FHIT: variants seen among roughly 807,000 people sequenced by gnomAD.
FHIT encodes fragile histidine triad diadenosine triphosphatase.
Under a neutral mutation model 17.9 loss-of-function variants are expected in FHIT, and 19 were observed. That is an observed-to-expected ratio of 1.06 (90% CI 0.74 to 1.56). FHIT has a LOEUF of 1.56. Ranked by LOEUF, FHIT falls within the 40% of genes most tolerant of loss-of-function variation. The probability of loss-of-function intolerance (pLI) is 0.00; values close to 1 mark genes in which losing one functional copy is unlikely to be tolerated. For synonymous variants in FHIT, 81 were observed against 69.7 expected, an observed-to-expected ratio of 1.16 and a Z score of -0.81; for missense variants, 248 against 189.2, an observed-to-expected ratio of 1.31 and a Z score of -1.82.
At chr3:60,844,318 G>A (rs1349943495) in intron 3 of FHIT, among the ~76,000 whole-genome samples, 1 of 152,002 alleles carries the variant, frequency 6.6e-6, no homozygotes, top group Non-Finnish European at 1.5e-5. Flanking sequence ...AGGAATGAAG[G>A]CATTTTGTGC....
In FHIT at chr3:59,902,599, C is replaced by T. The variant is rs181615631; in HGVS notation, c.348+19747G>A. 7.5e-4 allele frequency among the ~76,000 whole-genome samples: 114 copies of T among 151,562 alleles called. 2 individuals are homozygous for T. Among genetic ancestry groups the T allele is most frequent in the Non-Finnish European group, 1.4e-3 (93 of 67,888 alleles). On this transcript the variant is annotated intron_variant, in intron 8 of 9. Coordinates refer to ENST00000492590, the MANE Select transcript of FHIT (RefSeq NM_002012.4). ...CGATGTATATATCAATAATGGAATA[C>T]GATTTACTCTTTAAAAAGAAGGAAA...
At chr3:60,695,027 G>A (rs1226574428) in intron 4 of FHIT, among the ~76,000 whole-genome samples, 2 of 152,042 alleles carry the variant, frequency 1.3e-5, no homozygotes, top group African/African-American at 4.8e-5. Context: ...AAACCTGCAC[G>A]TTGTGCACAT....
At chr3:59,933,129 A>C (rs773297585) in intron 7 of FHIT, among the ~76,000 whole-genome samples, 11 of 152,108 alleles carry the variant, frequency 7.2e-5, no homozygotes, top group Non-Finnish European at 1.0e-4. Flanking sequence ...ATCACCCACT[A>C]TTCTGAGGCT....
chr3:60,464,819 C>T (rs1487406411), intron 5 of FHIT, among the ~76,000 whole-genome samples: 2 of 152,116 alleles, frequency 1.3e-5, no homozygotes, highest in Non-Finnish European at 2.9e-5. Context: ...CTGCAATAAA[C>T]ACGGGGGTAC....
intron 2 of FHIT, among the ~76,000 whole-genome samples, chr3:61,119,783 G>C (rs916207840): frequency 6.6e-6 from 1 of 152,122 alleles, no homozygotes; most frequent in Non-Finnish European, 1.5e-5. Flanking sequence ...GCCTTCTCCC[G>C]CCCTTGGGCT....
At chr3:60,319,826 G>C (rs899532155) in intron 5 of FHIT, among the ~76,000 whole-genome samples, 2 of 152,146 alleles carry the variant, frequency 1.3e-5, no homozygotes, top group Non-Finnish European at 1.5e-5. Context: ...TTCATGCCAG[G>C]ATGGACTCCT....
chr3:60,803,126 C>G (rs1432907768), intron 4 of FHIT, among the ~76,000 whole-genome samples: 2 of 152,114 alleles, frequency 1.3e-5, no homozygotes, highest in Non-Finnish European at 2.9e-5. Flanking sequence ...GAAAACAAGT[C>G]TTCCGGTTAG....
chr3:61,074,268 G>C (rs982595441), intron 2 of FHIT, among the ~76,000 whole-genome samples: 1 of 152,102 alleles, frequency 6.6e-6, no homozygotes, highest in Non-Finnish European at 1.5e-5. Context: ...TTCTCTTTTT[G>C]AGAGGGTATT....
chr3:60,535,647 A>G (rs1298959268), intron 5 of FHIT, among the ~76,000 whole-genome samples: 3 of 152,054 alleles, frequency 2.0e-5, no homozygotes, highest in East Asian at 1.9e-4. Flanking sequence ...CTCATTTAAA[A>G]GAAGAGTTTT....
intron 5 of FHIT, among the ~76,000 whole-genome samples, chr3:60,293,550 T>A (rs951132400): frequency 5.9e-5 from 9 of 152,246 alleles, no homozygotes; most frequent in African/African-American, 2.2e-4. Flanking sequence ...GATCTGAAGG[T>A]CACCTAACTA....
chr3:60,880,941 C>T (rs1408102107), intron 3 of FHIT, among the ~76,000 whole-genome samples: 7 of 152,066 alleles, frequency 4.6e-5, no homozygotes, highest in Admixed American at 2.6e-4. Context: ...TCAATAATAA[C>T]CTTGAATGTT....
chr3:60,751,778 A>T (rs2042471504), intron 4 of FHIT, among the ~76,000 whole-genome samples: 1 of 152,218 alleles, frequency 6.6e-6, no homozygotes. Flanking sequence ...TTATATCCAA[A>T]GGAAACAACT....
At chr3:61,100,858 C>T (rs1402647689) in intron 2 of FHIT, among the ~76,000 whole-genome samples, 2 of 152,166 alleles carry the variant, frequency 1.3e-5, no homozygotes, top group Non-Finnish European at 2.9e-5. Flanking sequence ...TAGATGTCTT[C>T]TTTTGAGAAG....
intron 3 of FHIT, among the ~76,000 whole-genome samples, chr3:61,018,919 C>T (rs2032259750): frequency 6.6e-6 from 1 of 152,010 alleles, no homozygotes; most frequent in South Asian, 2.1e-4. Flanking sequence ...AACTGATAAA[C>T]CTGAAAGATA....
chr3:60,266,446 G>A (rs1035312597), intron 5 of FHIT, among the ~76,000 whole-genome samples: 3 of 152,046 alleles, frequency 2.0e-5, no homozygotes, highest in Non-Finnish European at 4.4e-5. Flanking sequence ...GTTTCTTTTG[G>A]TGGTGATGAA....
chr3:60,233,562 T>G (rs998117488), intron 5 of FHIT, among the ~76,000 whole-genome samples: 1 of 151,930 alleles, frequency 6.6e-6, no homozygotes, highest in Non-Finnish European at 1.5e-5. Context: ...CTTACCACTC[T>G]ACCTATTTTC....
At chr3:60,872,297 A>T (rs1374712658) in intron 3 of FHIT, among the ~76,000 whole-genome samples, 1 of 152,212 alleles carries the variant, frequency 6.6e-6, no homozygotes, top group Non-Finnish European at 1.5e-5. Context: ...AACTTGTAGC[A>T]GAAAGTTAAT....
At chr3:60,449,939 G>T (rs377760193) in intron 5 of FHIT, among the ~76,000 whole-genome samples, 308 of 145,460 alleles carry the variant, frequency 2.1e-3, no homozygotes, top group African/African-American at 7.1e-3. Context: ...GGAGGCAGAG[G>T]TTGCAATAAA....
chr3:60,698,856 T>C (rs1011504832), intron 4 of FHIT, among the ~76,000 whole-genome samples: 40 of 152,270 alleles, frequency 2.6e-4, no homozygotes, highest in African/African-American at 8.9e-4. Context: ...TTTCAAAAAG[T>C]TCAAAAAATA....
Sources: allele counts gnomAD v4.1 joint callset (sites outside exome capture counted in the v4.1 genomes callset), GRCh38; gene constraint gnomAD v4.1.1; transcripts MANE v1.5; gene names NCBI Gene and HGNC (gene_info 2026-07-23, HGNC 2026-07-21).